ARHGEF10: variants seen among roughly 807,000 people sequenced by gnomAD.
ARHGEF10 encodes the protein Rho guanine nucleotide exchange factor 10.
In ARHGEF10, 140 loss-of-function variants were observed where a neutral mutation model predicts 147.4. The observed-to-expected ratio is 0.95, with a 90% CI of 0.83 to 1.09. ARHGEF10 has a LOEUF of 1.09. Among genes scored for constraint, ARHGEF10 ranks in the 50% least tolerant of loss-of-function variants. ARHGEF10 has a pLI of 0.00. For synonymous variants in ARHGEF10, 902 were observed against 695.8 expected (o/e 1.30, Z -4.67); for missense variants, 2,222 against 1,752.7 (o/e 1.27, Z -4.78).
chr8:1,860,010 G>A lies in ARHGEF10; in HGVS notation c.307G>A (p.Asp103Asn). The A allele has an allele frequency of 6.2e-7, 1 of 1,614,118 alleles. No homozygotes were observed. The highest frequency in any genetic ancestry group is 8.5e-7 in the Non-Finnish European group (1 of 1,179,996). The stretch of plus-strand genomic sequence containing the variant: ...CATCGACATCACGCCATTCCAGGAG[G>A]ACCAGCCGCCCACCCCCGTGCCCAG... ...SVIDITPFQE[D>N]QPPTPVPSAE... The change falls in exon 4 of 29, where the codon GAC (aspartate) becomes AAC (asparagine). Residue 103 changes from aspartate to asparagine, a missense_variant. Coordinates refer to ENST00000349830, the MANE Select transcript of ARHGEF10 (RefSeq NM_014629.4).
At chr8:1,884,434 A>G (rs939621125) in intron 10 of ARHGEF10, among the ~76,000 whole-genome samples, 2 of 151,242 alleles carry the variant, frequency 1.3e-5, no homozygotes, top group African/African-American at 4.9e-5. Context: ...TAACCTCCCA[A>G]CCCGAGTTTC....
In ARHGEF10 at chr8:1,916,232, T is replaced by G. The variant is rs1448835351; in HGVS notation, c.2144-6732T>G. ...GTGCAGACGGCCAGCCACGGAAAGG[T>G]GCGCATGCAGGAGGGCCTGTGGACG... On this transcript the variant is annotated intron_variant, in intron 18 of 28. Coordinates refer to ENST00000349830, the MANE Select transcript of ARHGEF10 (RefSeq NM_014629.4). Among the ~76,000 whole-genome samples, 4 of 152,114 alleles carry G rather than the reference T, an allele frequency of 2.6e-5. No homozygotes were observed. The East Asian group carries it at 5.8e-4, about 22-fold the overall frequency.
intron 21 of ARHGEF10, 85 bp downstream of exon 21, chr8:1,923,959 G>C: frequency 7.7e-7 from 1 of 1,307,096 alleles, no homozygotes; most frequent in Middle Eastern, 1.9e-4. Flanking sequence ...GGGTTGAGAA[G>C]GAAACTCAGC....
At chr8:1,854,060 A>C (rs1805360778) in intron 2 of ARHGEF10, among the ~76,000 whole-genome samples, 1 of 152,208 alleles carries the variant, frequency 6.6e-6, no homozygotes, top group Admixed American at 6.5e-5. Context: ...AACTAAACTT[A>C]GGACCCCAAA....
intron 1 of ARHGEF10, among the ~76,000 whole-genome samples, chr8:1,832,261 A>G (rs1289595159): frequency 1.3e-5 from 2 of 152,218 alleles, no homozygotes; most frequent in Non-Finnish European, 2.9e-5. Flanking sequence ...CGTTGTGTCC[A>G]AGGCTGTGTC....
chr8:1,855,791 G>A (rs1585278942), intron 2 of ARHGEF10, among the ~76,000 whole-genome samples: 2 of 152,096 alleles, frequency 1.3e-5, no homozygotes, highest in African/African-American at 2.4e-5. Context: ...CCCCAAACGT[G>A]AATTCTGTGG....
chr8:1,878,163 A>G (rs1807865464), intron 8 of ARHGEF10, among the ~76,000 whole-genome samples: 1 of 150,952 alleles, frequency 6.6e-6, no homozygotes, highest in Non-Finnish European at 1.5e-5. Flanking sequence ...CGATTTAAAC[A>G]ACCGATGAAG....
At chr8:1,916,399 C>G (rs1811763368) in intron 18 of ARHGEF10, among the ~76,000 whole-genome samples, 1 of 152,222 alleles carries the variant, frequency 6.6e-6, no homozygotes, top group South Asian at 2.1e-4. Flanking sequence ...GATTAAATAT[C>G]TGGAATTTGA....
Position 1,833,350 on chromosome 8 carries a change from G to A in ARHGEF10, c.-48+9237G>A, listed in dbSNP as rs1271749508. On this transcript the variant is annotated intron_variant, in intron 1 of 28. Transcript: ENST00000349830. ...GACAGAGACAGAGGCAGAGACAGAG[G>A]CAGAGAGAGACAGAGGCAGAGACAG... Among the ~76,000 whole-genome samples, 153 of 104,200 alleles carry A rather than the reference G, an allele frequency of 1.5e-3. 1 individual carries two copies. Among genetic ancestry groups the A allele is most frequent in the African/African-American group, 5.7e-3 (146 of 25,460 alleles). The allele number at this position is 104,200 out of a possible 152,430, so 68.4% of individuals were successfully genotyped here.
chr8:1,929,927 T>C (rs1310295595), intron 25 of ARHGEF10, among the ~76,000 whole-genome samples: 1 of 152,200 alleles, frequency 6.6e-6, no homozygotes, highest in Non-Finnish European at 1.5e-5. Context: ...AGGCCCTCCC[T>C]GGCCCATCCC....
intron 25 of ARHGEF10, 138 bp from the exon 26 acceptor site, chr8:1,933,662 C>A: frequency 8.7e-7 from 1 of 1,153,748 alleles, no homozygotes; most frequent in Non-Finnish European, 1.3e-6. Flanking sequence ...TCCCCAGACA[C>A]AGCCAGGATC....
At chr8:1,891,037 G>A (rs1176526918) in intron 11 of ARHGEF10, among the ~76,000 whole-genome samples, 3 of 152,116 alleles carry the variant, frequency 2.0e-5, no homozygotes, top group South Asian at 4.1e-4. Context: ...TCTTTGAAGG[G>A]TGGATTTTAA....
Position 1,835,310 on chromosome 8 carries a change from A to G in ARHGEF10, c.-47-8043A>G, listed in dbSNP as rs535670989. Among the ~76,000 whole-genome samples the G allele has an allele frequency of 1.7e-3, 260 of 152,344 alleles. 1 individual carries two copies. Among genetic ancestry groups the G allele is most frequent in the Non-Finnish European group, 1.5e-3 (103 of 68,022 alleles). On this transcript the variant is annotated intron_variant, in intron 1 of 28. Transcript: ENST00000349830. ...CAGAGCCTGTCCCTGCCCCAGGTGCATCTCTGAAACCACGCGGCAGCCCTG... is the reference window on the plus strand; with the variant it reads ...CAGAGCCTGTCCCTGCCCCAGGTGCGTCTCTGAAACCACGCGGCAGCCCTG...
At chr8:1,831,025 G>C (rs989434903) in intron 1 of ARHGEF10, among the ~76,000 whole-genome samples, 4 of 152,266 alleles carry the variant, frequency 2.6e-5, no homozygotes, top group African/African-American at 4.8e-5. Flanking sequence ...GAAGGCAAGA[G>C]GGGACTGGTG....
At chr8:1,907,891 G>T (rs1158562446) in intron 17 of ARHGEF10, among the ~76,000 whole-genome samples, 1 of 152,190 alleles carries the variant, frequency 6.6e-6, no homozygotes, top group Non-Finnish European at 1.5e-5. Flanking sequence ...GGTCGGCCCT[G>T]TGAACATTAA....
chr8:1,931,957 T>G (rs191096762), intron 25 of ARHGEF10, among the ~76,000 whole-genome samples: 12 of 152,270 alleles, frequency 7.9e-5, no homozygotes, highest in Admixed American at 5.2e-4. Flanking sequence ...ACGTCTGAAG[T>G]AGGCCATCGT....
intron 12 of ARHGEF10, among the ~76,000 whole-genome samples, chr8:1,894,001 C>T (rs1323245117): frequency 5.9e-5 from 9 of 151,900 alleles, no homozygotes; most frequent in African/African-American, 1.7e-4. Context: ...CAGTGACTCT[C>T]CATCTCTACT....
At chr8:1,952,641 G>A (rs945627910) in intron 27 of ARHGEF10, 64 bp from the exon 28 acceptor site, 153 of 1,603,966 alleles carry the variant, frequency 9.5e-5, no homozygotes, top group Admixed American at 5.2e-4. Flanking sequence ...CCAGCACCCC[G>A]TCACCGCCCC....
chr8:1,898,411 A>T (rs1036529467), intron 14 of ARHGEF10, 22 bp from the exon 15 acceptor site: 2 of 1,611,394 alleles, frequency 1.2e-6, no homozygotes, highest in Middle Eastern at 1.7e-4. Context: ...CAGGGAGGTG[A>T]CCCCGGTGCC....
Sources: gnomAD v4.1 joint callset for allele counts (sites outside exome capture counted in the v4.1 genomes callset) on GRCh38, gnomAD v4.1.1 for gene constraint, MANE v1.5 for transcripts, NCBI Gene and HGNC (gene_info 2026-07-23, HGNC 2026-07-21) for gene names.